GLCCI1: variants seen among roughly 807,000 people sequenced by gnomAD.
GLCCI1 encodes the protein glucocorticoid-induced transcript 1 protein.
Under a neutral mutation model 52.2 loss-of-function variants are expected in GLCCI1, and 24 were observed. The observed-to-expected ratio is 0.46, with a 90% CI of 0.33 to 0.65. The LOEUF (loss-of-function observed/expected upper bound fraction) is 0.65, where lower values mean the gene tolerates loss of function less well. Ranked by LOEUF, GLCCI1 falls within the 30% of genes least tolerant of loss-of-function variation. The pLI is 0.02. For missense variants in GLCCI1, 704 were observed against 701.5 expected (o/e 1.00, Z -0.04); for synonymous variants, 310 against 276.5 (o/e 1.12, Z -1.20).
intron 2 of GLCCI1, among the ~76,000 whole-genome samples, chr7:8,008,944 T>TA (rs1031646973): frequency 5.3e-5 from 8 of 151,570 alleles, no homozygotes; most frequent in Non-Finnish European, 7.4e-5. Flanking sequence ...AGTAAAATGT[T>TA]AAAAAAAAAT....
chr7:8,037,336 C>A (rs946843614), intron 3 of GLCCI1, among the ~76,000 whole-genome samples: 2 of 152,122 alleles, frequency 1.3e-5, no homozygotes, highest in African/African-American at 4.8e-5. Context: ...TTCCCAGACA[C>A]GTGAATGCCA....
chr7:7,993,456 A>G (rs188174868), intron 1 of GLCCI1, among the ~76,000 whole-genome samples: 69 of 152,284 alleles, frequency 4.5e-4, no homozygotes, highest in African/African-American at 1.6e-3. Flanking sequence ...ATTTGAGCAT[A>G]GCCATATTGC....
chr7:7,992,987 C>T (rs1036156980), intron 1 of GLCCI1, among the ~76,000 whole-genome samples: 9 of 152,012 alleles, frequency 5.9e-5, no homozygotes, highest in African/African-American at 2.2e-4. Flanking sequence ...TGAGGTTTTT[C>T]ATCACTGTTG....
At chr7:8,055,068 T>C (rs978187312) in intron 3 of GLCCI1, among the ~76,000 whole-genome samples, 1 of 152,184 alleles carries the variant, frequency 6.6e-6, no homozygotes, top group Non-Finnish European at 1.5e-5. Context: ...TGCATATGTT[T>C]AGAGATCAGG....
At chr7:8,063,589 G>C in intron 5 of GLCCI1, among the ~76,000 whole-genome samples, 1 of 148,414 alleles carries the variant, frequency 6.7e-6, no homozygotes, top group Non-Finnish European at 1.5e-5. Flanking sequence ...GTGTCTGTGC[G>C]TGTGATTTGC....
In GLCCI1 at chr7:8,086,174, T is replaced by C. The variant is rs1487987755; in HGVS notation, c.1299-19T>C. 3 of 1,562,010 alleles carry C rather than the reference T, an allele frequency of 1.9e-6. No individual in the cohort carries two copies. Among genetic ancestry groups the C allele is most frequent in the Non-Finnish European group, 2.6e-6 (3 of 1,153,158 alleles). ...TCTGTGTTCATGATTATAAATCTAA[T>C]TTTGTTTTATGGTTTTAGGTCTCGT... On this transcript the variant is annotated intron_variant, in intron 7 of 7. Transcript: ENST00000223145. The surrounding 1 kb of genome is among the most constrained non-coding windows in gnomAD (Gnocchi z 4.4).
At chr7:8,024,409 A>G (rs1025428961) in intron 3 of GLCCI1, among the ~76,000 whole-genome samples, 2 of 152,246 alleles carry the variant, frequency 1.3e-5, no homozygotes, top group Non-Finnish European at 2.9e-5. Flanking sequence ...TACTATAACT[A>G]CATGTCTATG....
chr7:8,056,065 A>G (rs1782391493), intron 4 of GLCCI1, among the ~76,000 whole-genome samples: 1 of 152,048 alleles, frequency 6.6e-6, no homozygotes, highest in African/African-American at 2.4e-5. Context: ...TGGGAGGCCA[A>G]GGCAGGTGGA....
At chr7:8,045,866 A>T (rs1782111723) in intron 3 of GLCCI1, among the ~76,000 whole-genome samples, 1 of 152,156 alleles carries the variant, frequency 6.6e-6, no homozygotes, top group African/African-American at 2.4e-5. Context: ...ATGAACCTGC[A>T]AACAAATATC....
rs754829717 is a variant in GLCCI1 at position 8,086,294 on chromosome 7, G to A, written c.1400G>A (p.Gly467Asp). 2 of 1,613,908 alleles carry A rather than the reference G, an allele frequency of 1.2e-6. No homozygotes were observed. The highest frequency in any genetic ancestry group is 1.7e-6 in the Non-Finnish European group (2 of 1,180,004). ...GCTTTCTGTCCTGTAAAACTTCTAG[G>A]CCCCCTCTTACCTGCTTCTGACCTT... ...GSAFCPVKLL[G>D]PLLPASDLML... Residue 467 changes from glycine (G) to aspartate (D), a missense_variant, in exon 8 of 8, where the codon GGC becomes GAC. This residue lies in a region of GLCCI1 where 149 missense variants were observed against 152.9 expected (regional missense o/e 0.97). Transcript: ENST00000223145. The surrounding 1 kb of genome is among the most constrained non-coding windows in gnomAD (Gnocchi z 4.4).
chr7:7,975,478 G>A (rs1041029284), intron 1 of GLCCI1, among the ~76,000 whole-genome samples: 5 of 152,132 alleles, frequency 3.3e-5, no homozygotes, highest in African/African-American at 1.2e-4. Flanking sequence ...TTTAGGATGT[G>A]GATCTTCTCA....
chr7:7,974,544 G>C (rs971169388), intron 1 of GLCCI1, among the ~76,000 whole-genome samples: 4 of 152,094 alleles, frequency 2.6e-5, no homozygotes, highest in African/African-American at 9.7e-5. Context: ...TGTGATTTTT[G>C]TTTTACTTGT....
At position 8,060,241 on chromosome 7, in the gene GLCCI1, T is replaced by C. The variant is rs1782483252; in HGVS notation, c.959T>C (p.Val320Ala). Residue 320 changes from valine (V) to alanine (A), a missense_variant, in exon 5 of 8, where the codon GTA becomes GCA. Val to Ala is a moderately conservative substitution (Grantham distance 64, BLOSUM62 0). Coordinates refer to ENST00000223145, the MANE Select transcript of GLCCI1 (RefSeq NM_138426.4). ...FIKENNGKEE[V>A]SKPLDIPDGR... ...AAAGAAAATAATGGGAAGGAAGAAG[T>C]ATCCAAGGTAAGGTTACATGGGATA... The C allele has an allele frequency of 1.2e-6, 2 of 1,607,540 alleles. No homozygotes were observed. The highest frequency in any genetic ancestry group is 2.7e-5 in the African/African-American group (2 of 74,772).
intron 2 of GLCCI1, among the ~76,000 whole-genome samples, chr7:8,009,685 T>C (rs1043177879): frequency 4.6e-5 from 7 of 152,226 alleles, no homozygotes; most frequent in African/African-American, 1.4e-4. Context: ...TAATGACCCA[T>C]ACATGTAGTA....
At chr7:8,071,989 T>C (rs530609572) in intron 6 of GLCCI1, among the ~76,000 whole-genome samples, 1 of 152,316 alleles carries the variant, frequency 6.6e-6, no homozygotes, top group Admixed American at 6.5e-5. Context: ...GATGTATTGT[T>C]GTAAGTAAAA....
rs530804627 is a variant in GLCCI1 at position 8,067,992 on chromosome 7, A to G, written c.967-2929A>G. Among the ~76,000 whole-genome samples the G allele has an allele frequency of 2.6e-5, 4 of 152,286 alleles. No homozygotes were observed. In the East Asian group the frequency reaches 7.7e-4, roughly 29 times the overall value. ...TCATCATTTTTAGGGATGCCAGTGC[A>G]TCGTGGATTTAGTCTCTTTACATAG... On this transcript the variant is annotated intron_variant, in intron 5 of 7. Transcript: ENST00000223145.
In GLCCI1 at chr7:7,969,588, C is replaced by T; in HGVS notation, c.238C>T (p.Pro80Ser). Residue 80 changes from proline to serine, a missense_variant, in exon 1 of 8, where the codon CCC becomes TCC. By Grantham distance (74) the Pro-to-Ser change is moderately conservative. This residue lies in a region of GLCCI1 where 547 missense variants were observed against 524.8 expected (regional missense o/e 1.04). Transcript: ENST00000223145. This position sits in a 1 kb window ranked among gnomAD's most constrained non-coding sequence, Gnocchi z 4.9. ...YQLLRGSQHS[P>S]TRPPVAAAAA... ...GCTCTTGCGGGGCAGCCAGCACAGT[C>T]CCACGCGTCCGCCCGTCGCCGCTGC... 1 of 1,036,510 alleles carries T rather than the reference C, an allele frequency of 9.6e-7. No homozygotes were observed. Among genetic ancestry groups the T allele is most frequent in the South Asian group, 3.4e-5 (1 of 29,338 alleles). 64.2% of individuals were successfully genotyped at this position (1,036,510 alleles called of 1,614,324 possible).
In GLCCI1 at chr7:7,984,241, A is replaced by G. The variant is rs538895046; in HGVS notation, c.457+14434A>G. On this transcript the variant is annotated intron_variant, in intron 1 of 7. Coordinates refer to ENST00000223145, the MANE Select transcript of GLCCI1 (RefSeq NM_138426.4). ...ACACCTGGCTAATTTTTTAATTTTT[A>G]TAGAGACGTGGTCTCCCTATGTTAC... Among the ~76,000 whole-genome samples the G allele has an allele frequency of 3.3e-5, 5 of 152,122 alleles. No individual in the cohort carries two copies. The East Asian group carries it at 9.7e-4, about 30-fold the overall frequency.
In GLCCI1 at chr7:7,975,610, T is replaced by C. The variant is rs184969896; in HGVS notation, c.457+5803T>C. On this transcript the variant is annotated intron_variant, in intron 1 of 7. Transcript: ENST00000223145. ...AATGACAAAGGAATTGGTTTTCTTTTGTTTCCATGGCACTATTACGCTGTG... is the reference window on the plus strand; with the variant it reads ...AATGACAAAGGAATTGGTTTTCTTTCGTTTCCATGGCACTATTACGCTGTG... Among the ~76,000 whole-genome samples the C allele has an allele frequency of 2.3e-4, 35 of 152,346 alleles. No individual in the cohort carries two copies. The East Asian group carries it at 5.4e-3, about 23-fold the overall frequency.
Sources: allele counts gnomAD v4.1 joint callset (sites outside exome capture counted in the v4.1 genomes callset), GRCh38; gene constraint gnomAD v4.1.1; regional missense constraint gnomAD v4.1.1; non-coding constraint Gnocchi (gnomAD v3.1); transcripts MANE v1.5; gene names NCBI Gene and HGNC (gene_info 2026-07-23, HGNC 2026-07-21).